Variants in PDE3A observed in about 807,000 individuals in gnomAD.
The protein encoded by PDE3A is phosphodiesterase 3A.
Under a neutral mutation model 98.3 loss-of-function variants are expected in PDE3A, and 43 were observed. The observed-to-expected ratio is 0.44, with a 90% CI of 0.34 to 0.56. PDE3A has a LOEUF of 0.56. Among genes scored for constraint, PDE3A ranks in the 20% least tolerant of loss-of-function variants. The pLI is 0.01. For missense variants in PDE3A, 1,427 were observed against 1,440.7 expected, an observed-to-expected ratio of 0.99 and a Z score of 0.15; for synonymous variants, 663 against 567.9, an observed-to-expected ratio of 1.17 and a Z score of -2.38.
intron 15 of PDE3A, among the ~76,000 whole-genome samples, chr12:20,668,050 C>T (rs1033464532): frequency 6.6e-6 from 1 of 152,162 alleles, no homozygotes; most frequent in Non-Finnish European, 1.5e-5. Flanking sequence ...CGCAAGGGGT[C>T]AGGGAGTTCC....
chr12:20,574,204 G>C (rs981405504), intron 2 of PDE3A, among the ~76,000 whole-genome samples: 1 of 152,054 alleles, frequency 6.6e-6, no homozygotes, highest in Non-Finnish European at 1.5e-5. Context: ...AGGTCCATGG[G>C]GGTAAAATTA....
intron 2 of PDE3A, among the ~76,000 whole-genome samples, chr12:20,607,543 A>G (rs1003618082): frequency 2.0e-5 from 3 of 151,970 alleles, no homozygotes; most frequent in Admixed American, 6.6e-5. Context: ...ACTTTCCTCC[A>G]CTGTTTATCG....
intron 1 of PDE3A, among the ~76,000 whole-genome samples, chr12:20,406,948 A>G (rs1350276128): frequency 2.0e-5 from 3 of 152,300 alleles, no homozygotes; most frequent in Admixed American, 6.5e-5. Context: ...TTTATTAAAG[A>G]CATATTCTTT....
chr12:20,680,143 G>GA lies in PDE3A; in HGVS notation c.3302dup (p.Asn1101LysfsTer72). The GA allele has an allele frequency of 6.2e-7, 1 of 1,613,970 alleles. No homozygotes were observed. On this transcript the variant is annotated frameshift_variant, in exon 16 of 16. Coordinates refer to ENST00000359062, the MANE Select transcript of PDE3A (RefSeq NM_000921.5). LOFTEE classifies it low-confidence loss of function (END_TRUNC). ...AGAGGAGCAACGGTTGGCAGGCATA[G>GA]AAAATCAATCCCTGGACCAGACCCC...
At position 20,639,884 on chromosome 12, in the gene PDE3A, A is replaced by C. The variant is rs752257568; in HGVS notation, c.2178A>C (p.Glu726Asp). Residue 726 changes from glutamate (E) to aspartate (D), a missense_variant, in exon 10 of 16, where the codon GAA (glutamate) becomes GAC (aspartate). By Grantham distance (45) the Glu-to-Asp change is conservative. Coordinates refer to ENST00000359062, the MANE Select transcript of PDE3A (RefSeq NM_000921.5). ...YRLFEDMGLF[E>D]AFKIPIREFM... ...TTTTTGAAGACATGGGCCTCTTTGAAGCTTTTAAAATTCCAATTAGGGAAT... is the reference window on the plus strand; with the variant it reads ...TTTTTGAAGACATGGGCCTCTTTGACGCTTTTAAAATTCCAATTAGGGAAT... The C allele has an allele frequency of 1.8e-5, 28 of 1,586,212 alleles. No individual in the cohort carries two copies. Among genetic ancestry groups the C allele is most frequent in the East Asian group, 2.2e-5 (1 of 44,652 alleles).
In PDE3A at chr12:20,687,931, A is replaced by C. The variant is rs1483061646; in HGVS notation, c.*7660A>C. 1.3e-5 allele frequency among the ~76,000 whole-genome samples: 2 copies of C among 150,954 alleles called. No homozygotes were observed. Among genetic ancestry groups the C allele is most frequent in the Admixed American group, 1.3e-4 (2 of 15,148 alleles). ...TCCCAACAGAAAAAAAAAAAAAAAA[A>C]AAAAAACTGGCATTGGCAAGTTTTA... On this transcript the variant is annotated 3_prime_UTR_variant, in exon 16 of 16. Transcript: ENST00000359062.
chr12:20,401,188 G>T (rs1591890026), intron 1 of PDE3A, among the ~76,000 whole-genome samples: 1 of 152,144 alleles, frequency 6.6e-6, no homozygotes, highest in African/African-American at 2.4e-5. Context: ...TAGTTGGATG[G>T]GCTGTTGCAG....
chr12:20,587,809 A>AAGTT (rs1292129908), intron 2 of PDE3A, among the ~76,000 whole-genome samples: 9 of 152,292 alleles, frequency 5.9e-5, no homozygotes, highest in East Asian at 3.9e-4. Flanking sequence ...GTTACATCAG[A>AAGTT]AGTTAGATTA....
At chr12:20,392,950 T>C (rs1457760759) in intron 1 of PDE3A, among the ~76,000 whole-genome samples, 1 of 151,816 alleles carries the variant, frequency 6.6e-6, no homozygotes, top group Non-Finnish European at 1.5e-5. Flanking sequence ...GAAAGTAGAA[T>C]GGTGATTGCC....
chr12:20,386,102 TATATATATAAATATATATAA>T (rs1220710518), intron 1 of PDE3A, among the ~76,000 whole-genome samples: 6 of 14,624 alleles, frequency 4.1e-4, no homozygotes, highest in Middle Eastern at 0.019. Flanking sequence ...TATATATAAA[TATATATATAAATATATATAA>T]ATATATATAA....
chr12:20,613,746 T>A (rs759128428), intron 3 of PDE3A, 46 bp downstream of exon 3: 32 of 1,508,720 alleles, frequency 2.1e-5, no homozygotes, highest in Middle Eastern at 1.7e-4. Context: ...CTATTTTTTT[T>A]AATTGTCTTC....
At chr12:20,527,064 G>T (rs540350368) in intron 1 of PDE3A, among the ~76,000 whole-genome samples, 4 of 151,818 alleles carry the variant, frequency 2.6e-5, no homozygotes, top group Non-Finnish European at 5.9e-5. Flanking sequence ...GATTACAGGC[G>T]CCTGCTGCCA....
At chr12:20,662,332 G>A (rs1403784271) in intron 15 of PDE3A, among the ~76,000 whole-genome samples, 5 of 151,942 alleles carry the variant, frequency 3.3e-5, no homozygotes, top group Admixed American at 3.3e-4. Context: ...ATAAAGATGA[G>A]GAACTTGTTG....
At chr12:20,464,748 TG>T (rs1461986368) in intron 1 of PDE3A, among the ~76,000 whole-genome samples, 20 of 152,330 alleles carry the variant, frequency 1.3e-4, no homozygotes, top group African/African-American at 4.6e-4. Context: ...GACGTGGGAT[TG>T]AATAAAATGA....
chr12:20,553,792 T>C (rs1260702779), intron 1 of PDE3A, among the ~76,000 whole-genome samples: 1 of 152,322 alleles, frequency 6.6e-6, no homozygotes, highest in East Asian at 1.9e-4. Context: ...GTGCCTTTGA[T>C]TCGTTCCTTC....
chr12:20,571,823 T>G, intron 2 of PDE3A: 1 of 754,812 alleles, frequency 1.3e-6, no homozygotes, highest in Non-Finnish European at 1.6e-6. Context: ...TATGCAAAAT[T>G]TCCCACTAGA....
At position 20,552,586 on chromosome 12, in the gene PDE3A, G is replaced by T; in HGVS notation, c.961-4074G>T. 6.2e-7 allele frequency: 1 copy of T among 1,613,860 alleles called. No individual in the cohort carries two copies. The highest frequency in any genetic ancestry group is 1.1e-5 in the South Asian group (1 of 91,050). ...GGGCAAGTGGAAGCGGAAGTCGGCA[G>T]GAGGTGGCCCGAGCAGGGCCGGGTC... On this transcript the variant is annotated intron_variant, in intron 1 of 15. Transcript: ENST00000359062. This position sits in a 1 kb window ranked among gnomAD's most constrained non-coding sequence, Gnocchi z 5.1.
chr12:20,369,283 C>T lies in PDE3A; in HGVS notation c.-2C>T, dbSNP rs1943408738. On this transcript the variant is annotated 5_prime_UTR_variant, in exon 1 of 16. Transcript: ENST00000359062. ...AATTCAGTGAAGAGGGCACCCTATA[C>T]CATGGCAGTGCCCGGCGACGCTGCA... 1 of 1,512,592 alleles carries T rather than the reference C, an allele frequency of 6.6e-7. No homozygotes were observed. The highest frequency in any genetic ancestry group is 8.9e-7 in the Non-Finnish European group (1 of 1,125,938). 93.7% of individuals were successfully genotyped at this position (1,512,592 alleles called of 1,614,324 possible).
At chr12:20,492,971 G>T (rs1211277995) in intron 1 of PDE3A, among the ~76,000 whole-genome samples, 2 of 152,128 alleles carry the variant, frequency 1.3e-5, no homozygotes, top group African/African-American at 4.8e-5. Flanking sequence ...AAGGCACTGT[G>T]TTTCCTAGTA....
Sources: allele counts gnomAD v4.1 joint callset (sites outside exome capture counted in the v4.1 genomes callset), GRCh38; gene constraint gnomAD v4.1.1; non-coding constraint Gnocchi (gnomAD v3.1); transcripts MANE v1.5; gene names NCBI Gene and HGNC (gene_info 2026-07-23, HGNC 2026-07-21).